The following OGA variants were observed in gnomAD, a reference collection of about 807,000 sequenced individuals.
The protein encoded by OGA is protein O-GlcNAcase.
Under a neutral mutation model 102.0 loss-of-function variants are expected in OGA, and 21 were observed. That is an observed-to-expected ratio of 0.21 (90% confidence interval 0.15 to 0.30). The LOEUF is 0.30. OGA is among the 10% of genes least tolerant of loss of function. OGA has a pLI of 1.00. For synonymous variants in OGA, 408 were observed against 378.2 expected, an observed-to-expected ratio of 1.08 and a Z score of -0.91; for missense variants, 765 against 1,107.8, an observed-to-expected ratio of 0.69 and a Z score of 4.39.
At chr10:101,816,944 T>G (rs1296921370) in intron 1 of OGA, among the ~76,000 whole-genome samples, 1 of 152,142 alleles carries the variant, frequency 6.6e-6, no homozygotes, top group Non-Finnish European at 1.5e-5. Context: ...AAAACAGACA[T>G]CTAGGAAACT....
At chr10:101,786,630 A>T in intron 15 of OGA, 43 bp from the exon 16 acceptor site, 1 of 1,438,206 alleles carries the variant, frequency 7.0e-7, no homozygotes, top group Non-Finnish European at 9.3e-7. Flanking sequence ...AAGTCACTTA[A>T]TTAGTATAAT....
chr10:101,808,566 T>A (rs541040956), intron 4 of OGA, among the ~76,000 whole-genome samples: 3 of 152,352 alleles, frequency 2.0e-5, no homozygotes, highest in Non-Finnish European at 4.4e-5. Flanking sequence ...ACTTCATTCA[T>A]GAAAATTTCA....
At chr10:101,792,040 CGGA>C (rs1233416386) in intron 12 of OGA, among the ~76,000 whole-genome samples, 1 of 147,878 alleles carries the variant, frequency 6.8e-6, no homozygotes, top group East Asian at 2.0e-4. Flanking sequence ...TTTTTTGAGA[CGGA>C]GTCTCGCTCT....
At position 101,813,626 on chromosome 10, in the gene OGA, G is replaced by T. The variant is rs1362257435; in HGVS notation, c.200-20C>A. ...AAAATCCTAGATTCAAAGTAAGAAT[G>T]AAATTATATTCAGTTTTAAAATGTG... is the stretch of plus-strand genomic sequence containing the variant. On this transcript the variant is annotated intron_variant, in intron 1 of 15. Coordinates refer to ENST00000361464, the MANE Select transcript of OGA (RefSeq NM_012215.5). The T allele has an allele frequency of 6.9e-7, 1 of 1,455,048 alleles. No homozygotes were observed. Among genetic ancestry groups the T allele is most frequent in the South Asian group, 1.2e-5 (1 of 83,140 alleles). The allele number at this position is 1,455,048 out of a possible 1,614,324, so 90.1% of individuals were successfully genotyped here.
intron 3 of OGA, among the ~76,000 whole-genome samples, chr10:101,811,950 C>T (rs2065564116): frequency 1.3e-5 from 2 of 152,034 alleles, no homozygotes; most frequent in South Asian, 2.1e-4. Flanking sequence ...ACCAGCACCA[C>T]CAGAAAGTAA....
In OGA at chr10:101,797,579, T is replaced by C. The variant is rs2065331849; in HGVS notation, c.1984+401A>G. ...GCCCTTTAGGTCATTTCAGCAATTG[T>C]TCTGTTAAACATAGCATTAATGTTA... On this transcript the variant is annotated intron_variant, in intron 10 of 15. Transcript: ENST00000361464. The C allele has an allele frequency of 3.3e-5, 9 of 274,736 alleles. No individual in the cohort carries two copies. In the South Asian group the frequency reaches 5.8e-4, roughly 18 times the overall value. 17.0% of individuals were successfully genotyped at this position (274,736 alleles called of 1,614,324 possible). A position where few individuals can be genotyped will look rare whatever the true frequency, so the allele number is the denominator to read the frequency against.
At chr10:101,794,049 G>A (rs1273431019) in intron 10 of OGA, 51 bp from the exon 11 acceptor site, 2 of 1,383,504 alleles carry the variant, frequency 1.4e-6, no homozygotes, top group Admixed American at 1.7e-5. Flanking sequence ...GGGATTTCCT[G>A]GGGTCTCAAA....
At chr10:101,817,508 C>T (rs1309958914) in intron 1 of OGA, among the ~76,000 whole-genome samples, 1 of 152,054 alleles carries the variant, frequency 6.6e-6, no homozygotes, top group East Asian at 1.9e-4. Flanking sequence ...AATAAGATCC[C>T]AAGGTACAAA....
intron 15 of OGA, among the ~76,000 whole-genome samples, chr10:101,787,073 G>T (rs1248093447): frequency 2.0e-5 from 3 of 150,464 alleles, no homozygotes; most frequent in African/African-American, 7.3e-5. Context: ...TAGAGATGGG[G>T]TCTCAGCCAT....
rs1290867471 is a variant in OGA, at chr10:101,817,963, G to C, written c.60C>G (p.Asn20Lys). Residue 20 changes from asparagine (N) to lysine (K), a missense_variant, in exon 1 of 16, where the codon AAC becomes AAG. This residue lies in a region of OGA where 117 missense variants were observed against 85.7 expected (regional missense o/e 1.36). Coordinates refer to ENST00000361464, the MANE Select transcript of OGA (RefSeq NM_012215.5). ...GCGATGCCCCCGCAGAGGCGGCAGG[G>C]TTGGAGCTGAGCTCGCTCTCCCGCT... is the stretch of plus-strand genomic sequence containing the variant. ...LEERESELSS[N>K]PAASAGASLE... 2 of 1,605,048 alleles carry C rather than the reference G, an allele frequency of 1.2e-6. No individual in the cohort carries two copies. Among genetic ancestry groups the C allele is most frequent in the South Asian group, 2.2e-5 (2 of 90,266 alleles).
chr10:101,816,444 T>A (rs2135104354), intron 1 of OGA, among the ~76,000 whole-genome samples: 1 of 152,318 alleles, frequency 6.6e-6, no homozygotes, highest in South Asian at 2.1e-4. Context: ...TTAAACCAAA[T>A]GAGTTTTCTC....
Position 101,817,977 on chromosome 10 carries a change from C to G in OGA, c.46G>C (p.Glu16Gln). 6.2e-7 allele frequency: 1 copy of G among 1,604,078 alleles called. No homozygotes were observed. Residue 16 changes from glutamate to glutamine, a missense_variant, in exon 1 of 16, where the codon GAG becomes CAG. Transcript: ENST00000361464. ...SQATLEERES[E>Q]LSSNPAASAG... is the part of the protein sequence containing the mutation. ...GAGGCGGCAGGGTTGGAGCTGAGCT[C>G]GCTCTCCCGCTCCTCCAACGTCGCT...
In OGA at chr10:101,818,316, C is replaced by A. The variant is rs1739631668; in HGVS notation, c.-294G>T. The A allele has an allele frequency of 8.3e-7, 1 of 1,201,688 alleles. No homozygotes were observed. 74.4% of individuals were successfully genotyped at this position (1,201,688 alleles called of 1,614,324 possible). A position where few individuals can be genotyped will look rare whatever the true frequency, so the allele number is the denominator to read the frequency against. ...CCTCTCGTTCCCTGGAAGAAGACGG[C>A]CAAGGGTCCTGTCCTCGTTCTCTGC... On this transcript the variant is annotated 5_prime_UTR_variant, in exon 1 of 16. Coordinates refer to ENST00000361464, the MANE Select transcript of OGA (RefSeq NM_012215.5).
Position 101,817,991 on chromosome 10 carries a change from T to A in OGA, c.32A>T (p.Glu11Val). The A allele has an allele frequency of 6.2e-7, 1 of 1,603,958 alleles. No homozygotes were observed. The highest frequency in any genetic ancestry group is 8.5e-7 in the Non-Finnish European group (1 of 1,173,196). The change falls in exon 1 of 16, where the codon GAG becomes GTG. Residue 11 changes from glutamate (E) to valine (V), a missense_variant. Physicochemically the swap from Glu to Val is moderately radical, Grantham distance 121 (BLOSUM62 -2). This residue lies in a region of OGA where 117 missense variants were observed against 85.7 expected (regional missense o/e 1.36). Coordinates refer to ENST00000361464, the MANE Select transcript of OGA (RefSeq NM_012215.5). MVQKESQATL[E>V]ERESELSSNP... ...GGAGCTGAGCTCGCTCTCCCGCTCC[T>A]CCAACGTCGCTTGACTCTCCTTCTG...
In OGA at chr10:101,799,528, T is replaced by C. The variant is rs997337561; in HGVS notation, c.1196-73A>G. On this transcript the variant is annotated intron_variant, in intron 8 of 15. Coordinates refer to ENST00000361464, the MANE Select transcript of OGA (RefSeq NM_012215.5). Reference sequence around the variant, plus strand: ...AGAATTAGAGATAGAACACATTAGATTCAGAAAGATGCTTTATCATATTTG... The same window carrying C: ...AGAATTAGAGATAGAACACATTAGACTCAGAAAGATGCTTTATCATATTTG... 5.0e-5 allele frequency: 70 copies of C among 1,402,308 alleles called. No homozygotes were observed. The African/African-American group carries it at 8.7e-4, about 17-fold the overall frequency. The allele number at this position is 1,402,308 out of a possible 1,614,324, so 86.9% of individuals were successfully genotyped here. A position where few individuals can be genotyped will look rare whatever the true frequency, so the allele number is the denominator to read the frequency against.
intron 7 of OGA, among the ~76,000 whole-genome samples, chr10:101,802,935 T>C (rs2065413215): frequency 6.9e-6 from 1 of 145,714 alleles, no homozygotes; most frequent in Admixed American, 7.0e-5. Context: ...GGTCAGGAGT[T>C]CGAGACCAGT....
At chr10:101,810,389 G>T in intron 3 of OGA, 75 bp from the exon 4 acceptor site, 5 of 1,339,950 alleles carry the variant, frequency 3.7e-6, no homozygotes, top group Non-Finnish European at 5.1e-6. Context: ...TTTAACTGAA[G>T]AGGTTATTTC....
At chr10:101,790,265 G>GT (rs869235919) in intron 14 of OGA, among the ~76,000 whole-genome samples, 3,541 of 86,382 alleles carry the variant, frequency 0.041, 264 homozygotes, top group African/African-American at 0.085. Context: ...ATAATATCTT[G>GT]TTTTTTTTTT....
chr10:101,811,137 C>T (rs903397231), intron 3 of OGA, among the ~76,000 whole-genome samples: 2 of 151,938 alleles, frequency 1.3e-5, no homozygotes, highest in Non-Finnish European at 1.5e-5. Flanking sequence ...TGCCTGTAAC[C>T]CCAGGACTTT....
Sources: gnomAD v4.1 joint callset for allele counts (sites outside exome capture counted in the v4.1 genomes callset) on GRCh38, gnomAD v4.1.1 for gene constraint, gnomAD v4.1.1 regional missense constraint, MANE v1.5 for transcripts, NCBI Gene and HGNC (gene_info 2026-07-23, HGNC 2026-07-21) for gene names.